The following PPEF1 variants were observed in gnomAD, a reference collection of about 807,000 sequenced individuals.
PPEF1 encodes protein phosphatase with EF-hand domain 1.
Under a neutral mutation model 53.3 loss-of-function variants are expected in PPEF1, and 12 were observed. That is an observed-to-expected ratio of 0.23 (90% CI 0.14 to 0.36). PPEF1 has a LOEUF of 0.36. Among genes scored for constraint, PPEF1 ranks in the 10% least tolerant of loss-of-function variants. The pLI, the probability that PPEF1 is intolerant of heterozygous loss-of-function variation, is 1.00. For synonymous variants in PPEF1, 165 were observed against 176.7 expected, an observed-to-expected ratio of 0.93 and a Z score of 0.52; for missense variants, 334 against 490.4, an observed-to-expected ratio of 0.68 and a Z score of 3.01.
intron 4 of PPEF1, among the ~76,000 whole-genome samples, chrX:18,696,361 C>T (rs898063426): frequency 1.9e-4 from 20 of 106,808 alleles, no homozygotes; most frequent in Non-Finnish European, 3.1e-4. Flanking sequence ...CTATGTTGCC[C>T]AGGCTGGTCT....
intron 10 of PPEF1, among the ~76,000 whole-genome samples, chrX:18,796,807 A>C (rs1368460834): frequency 5.4e-5 from 6 of 111,997 alleles, no homozygotes; most frequent in African/African-American, 1.9e-4. Flanking sequence ...AGCAAGTAGG[A>C]AAGGATGCCT....
chrX:18,719,490 G>T (rs371287932), intron 1 of PPEF1, among the ~76,000 whole-genome samples: 1 of 110,249 alleles, frequency 9.1e-6, no homozygotes, highest in Non-Finnish European at 1.9e-5. Context: ...GGGACTACAG[G>T]TGTGTGCCAC....
chrX:18,790,359 C>G (rs138390275), intron 10 of PPEF1, among the ~76,000 whole-genome samples: 1,430 of 111,829 alleles, frequency 0.013, 19 homozygotes, highest in African/African-American at 0.043. Context: ...AATCCTTTAT[C>G]AGGTATATTA....
intron 13 of PPEF1, among the ~76,000 whole-genome samples, chrX:18,821,601 AAGGTTTCATCATGTTAGCC>A (rs2047047966): frequency 9.1e-6 from 1 of 110,141 alleles, no homozygotes; most frequent in Admixed American, 9.8e-5. Context: ...TAGTGGAGAC[AAGGTTTCATCATGTTAGCC>A]AGGCTGGTCT....
chrX:18,790,601 G>T (rs1264316221), intron 10 of PPEF1, among the ~76,000 whole-genome samples: 1 of 111,563 alleles, frequency 9.0e-6, no homozygotes, highest in Non-Finnish European at 1.9e-5. Flanking sequence ...CTTAAATTTA[G>T]GTGTCTGATC....
intron 1 of PPEF1, among the ~76,000 whole-genome samples, chrX:18,683,264 C>T (rs759127896): frequency 2.2e-4 from 24 of 111,423 alleles, no homozygotes; most frequent in Middle Eastern, 4.6e-3. Flanking sequence ...TACAGCAGGG[C>T]GCTTGCTCAC....
chrX:18,711,072 A>G (rs893229704), intron 1 of PPEF1, among the ~76,000 whole-genome samples: 1 of 75,213 alleles, frequency 1.3e-5, no homozygotes, highest in Non-Finnish European at 2.4e-5. Context: ...ATATATATGT[A>G]TATATATGTG....
intron 7 of PPEF1, among the ~76,000 whole-genome samples, chrX:18,780,975 GA>G (rs1202902218): frequency 1.9e-5 from 2 of 107,319 alleles, no homozygotes; most frequent in South Asian, 8.5e-4. Flanking sequence ...AGAATGGCGT[GA>G]ACCCGGGAGG....
intron 1 of PPEF1, among the ~76,000 whole-genome samples, chrX:18,683,357 G>C (rs927264827): frequency 9.0e-6 from 1 of 111,342 alleles, no homozygotes; most frequent in Non-Finnish European, 1.9e-5. Flanking sequence ...TTATCTACTA[G>C]CAGATATTGA....
chrX:18,801,082 A>AT (rs1432564833), intron 10 of PPEF1, among the ~76,000 whole-genome samples: 4 of 112,158 alleles, frequency 3.6e-5, no homozygotes, highest in Admixed American at 2.9e-4. Context: ...TATTTTTGTC[A>AT]TAAACACCAG....
chrX:18,780,080 C>T (rs1367476769), intron 7 of PPEF1, among the ~76,000 whole-genome samples: 13 of 112,132 alleles, frequency 1.2e-4, no homozygotes, highest in African/African-American at 3.9e-4. Flanking sequence ...TTTAGGCATG[C>T]TGTTTATCCT....
intron 4 of PPEF1, among the ~76,000 whole-genome samples, chrX:18,756,068 G>C (rs745636300): frequency 9.0e-6 from 1 of 111,028 alleles, no homozygotes; most frequent in South Asian, 3.8e-4. Context: ...CTAGGGGTAG[G>C]GATTAGGGGA....
intron 1 of PPEF1, among the ~76,000 whole-genome samples, chrX:18,684,491 G>A (rs1239429094): frequency 9.0e-6 from 1 of 111,306 alleles, no homozygotes; most frequent in South Asian, 3.8e-4. Context: ...AATCACCCAC[G>A]ATCACTTTCA....
intron 1 of PPEF1, among the ~76,000 whole-genome samples, chrX:18,710,581 C>T (rs1340101391): frequency 8.9e-6 from 1 of 111,816 alleles, no homozygotes; most frequent in Non-Finnish European, 1.9e-5. Flanking sequence ...AAAAAATGCT[C>T]AACATCACTA....
At chrX:18,687,812 C>T (rs1213991570) in intron 3 of PPEF1, among the ~76,000 whole-genome samples, 1 of 108,900 alleles carries the variant, frequency 9.2e-6, no homozygotes, top group African/African-American at 3.4e-5. Context: ...CCTCAGCCTC[C>T]GGAGTAGCCG....
At chrX:18,767,955 T>C (rs757758923) in intron 6 of PPEF1, among the ~76,000 whole-genome samples, 1 of 111,223 alleles carries the variant, frequency 9.0e-6, no homozygotes, top group South Asian at 3.8e-4. Context: ...AATGGTAGAA[T>C]TTCTGTGATG....
rs760574548 is a variant in PPEF1 at position 18,731,989 on chromosome X, C to T, written c.174+1681C>T. ...GCAACCTCCGCCTCCCAGGTTCAAC[C>T]GATTCTCCTGCCTCAGCCTCCTGAA... On this transcript the variant is annotated intron_variant, in intron 2 of 15. Transcript: ENST00000470157. 8.9e-5 allele frequency among the ~76,000 whole-genome samples: 10 copies of T among 112,331 alleles called. No homozygotes were observed. The South Asian group carries it at 1.8e-3, about 21-fold the overall frequency.
chrX:18,817,395 G>T (rs185622736), intron 12 of PPEF1, among the ~76,000 whole-genome samples: 224 of 109,794 alleles, frequency 2.0e-3, no homozygotes, highest in African/African-American at 6.9e-3. Context: ...AGGCTGGAGT[G>T]CAATGGTGCA....
chrX:18,716,362 C>G (rs1428057915), intron 1 of PPEF1, among the ~76,000 whole-genome samples: 2 of 108,468 alleles, frequency 1.8e-5, no homozygotes, highest in African/African-American at 6.7e-5. Flanking sequence ...GCAACCCCAT[C>G]TTTACTAAAA....
Sources: allele counts gnomAD v4.1 joint callset (sites outside exome capture counted in the v4.1 genomes callset), GRCh38; gene constraint gnomAD v4.1.1; transcripts MANE v1.5; gene names NCBI Gene and HGNC (gene_info 2026-07-23, HGNC 2026-07-21).